Variants in CNTN5 observed in about 807,000 individuals in gnomAD.
CNTN5 encodes the protein contactin-5.
In CNTN5, 77 loss-of-function variants were observed where a neutral mutation model predicts 129.1. The observed-to-expected ratio is 0.60, with a 90% CI of 0.50 to 0.72. The LOEUF (loss-of-function observed/expected upper bound fraction) is 0.72, where lower values mean the gene tolerates loss of function less well. Ranked by LOEUF, CNTN5 falls within the 30% of genes least tolerant of loss-of-function variation. CNTN5 has a pLI of 0.00. For synonymous variants in CNTN5, 509 were observed against 465.6 expected (o/e 1.09, Z -1.20); for missense variants, 1,478 against 1,328.8 (o/e 1.11, Z -1.75).
chr11:99,401,764 G>A (rs1941822150), intron 2 of CNTN5, among the ~76,000 whole-genome samples: 1 of 151,798 alleles, frequency 6.6e-6, no homozygotes, highest in Non-Finnish European at 1.5e-5. Flanking sequence ...TTTCATCAGT[G>A]TTTTATAGTT....
At chr11:99,267,878 GCT>G (rs140841758) in intron 1 of CNTN5, among the ~76,000 whole-genome samples, 2 of 149,206 alleles carry the variant, frequency 1.3e-5, no homozygotes, top group Non-Finnish European at 1.5e-5. Flanking sequence ...CCCTCCTTGT[GCT>G]CTCTCTCTCT....
At chr11:99,771,338 A>G (rs1944938167) in intron 3 of CNTN5, among the ~76,000 whole-genome samples, 1 of 152,002 alleles carries the variant, frequency 6.6e-6, no homozygotes, top group African/African-American at 2.4e-5. Context: ...CCATCAACTG[A>G]TGAATGAATA....
chr11:99,127,309 T>TTCTA (rs1333284505), intron 1 of CNTN5, among the ~76,000 whole-genome samples: 4 of 152,230 alleles, frequency 2.6e-5, no homozygotes, highest in African/African-American at 9.6e-5. Flanking sequence ...TCATAAATGT[T>TTCTA]CATCTACAAT....
In CNTN5 at chr11:99,351,795, A is replaced by G. The variant is rs75179786; in HGVS notation, c.-71+26311A>G. On this transcript the variant is annotated intron_variant, in intron 2 of 24. Coordinates refer to ENST00000524871, the MANE Select transcript of CNTN5 (RefSeq NM_014361.4). ...TAGGAAATGCCAAAAGATTACAACC[A>G]TCTTTTTTGTTCTCCTGCCAAGTAG... Among the ~76,000 whole-genome samples the G allele has an allele frequency of 2.6e-3, 400 of 152,304 alleles. 19 individuals are homozygous for G. The East Asian group carries it at 0.065, about 25-fold the overall frequency.
At chr11:99,850,051 T>C (rs1947823478) in intron 6 of CNTN5, among the ~76,000 whole-genome samples, 1 of 152,168 alleles carries the variant, frequency 6.6e-6, no homozygotes, top group South Asian at 2.1e-4. Flanking sequence ...CATGCAATCA[T>C]AGTGTTCTGC....
chr11:100,286,503 C>T (rs1313890328), intron 18 of CNTN5, among the ~76,000 whole-genome samples: 1 of 150,050 alleles, frequency 6.7e-6, no homozygotes, highest in East Asian at 2.0e-4. Flanking sequence ...CACACTGACA[C>T]CTCACACGGC....
chr11:100,105,386 C>A (rs1480868874), intron 13 of CNTN5, among the ~76,000 whole-genome samples: 1 of 151,988 alleles, frequency 6.6e-6, no homozygotes, highest in East Asian at 1.9e-4. Flanking sequence ...GCTTCATTTG[C>A]AAGCAAGAAC....
At chr11:99,086,363 G>A (rs1375683076) in intron 1 of CNTN5, among the ~76,000 whole-genome samples, 1 of 152,162 alleles carries the variant, frequency 6.6e-6, no homozygotes, top group Non-Finnish European at 1.5e-5. Context: ...TTTATAAAGA[G>A]GTTTAATTGG....
chr11:100,240,529 G>T (rs1313748620), intron 16 of CNTN5, among the ~76,000 whole-genome samples: 1 of 152,170 alleles, frequency 6.6e-6, no homozygotes, highest in Admixed American at 6.5e-5. Context: ...AGCACTTAGT[G>T]TGTAATATTC....
chr11:99,811,287 G>C (rs1946420802), intron 3 of CNTN5, among the ~76,000 whole-genome samples: 1 of 151,804 alleles, frequency 6.6e-6, no homozygotes, highest in Admixed American at 6.6e-5. Flanking sequence ...ATAGAATTCT[G>C]AAGTTTTATT....
intron 3 of CNTN5, among the ~76,000 whole-genome samples, chr11:99,563,482 C>T (rs1948906345): frequency 6.6e-6 from 1 of 152,136 alleles, no homozygotes; most frequent in Non-Finnish European, 1.5e-5. Context: ...TCACTTTATG[C>T]CCAATGTACA....
chr11:99,370,283 C>T (rs928267355), intron 2 of CNTN5, among the ~76,000 whole-genome samples: 1 of 152,110 alleles, frequency 6.6e-6, no homozygotes, highest in Non-Finnish European at 1.5e-5. Context: ...GAAATGTCAC[C>T]ATTGCACTAA....
intron 3 of CNTN5, among the ~76,000 whole-genome samples, chr11:99,580,312 T>C (rs1008394003): frequency 2.0e-5 from 3 of 152,034 alleles, no homozygotes; most frequent in Admixed American, 6.6e-5. Flanking sequence ...GTGTCTCTGC[T>C]CGGCTTTGGT....
intron 12 of CNTN5, among the ~76,000 whole-genome samples, chr11:100,072,990 C>CAAAAAAAAAAAAAAAAAAAAAAAAA (rs61042118): frequency 1.3e-5 from 1 of 79,054 alleles, no homozygotes; most frequent in African/African-American, 6.1e-5. Context: ...TCCCAGGAGG[C>CAAAAAAAAAAAAAAAAAAAAAAAAA]AAAAAAAAAA....
At chr11:99,571,433 A>G (rs1565306619) in intron 3 of CNTN5, among the ~76,000 whole-genome samples, 1 of 152,218 alleles carries the variant, frequency 6.6e-6, no homozygotes, top group Non-Finnish European at 1.5e-5. Context: ...ATGGAAACAG[A>G]TAATCACAAA....
intron 13 of CNTN5, among the ~76,000 whole-genome samples, chr11:100,105,069 C>T (rs1485769827): frequency 6.6e-6 from 1 of 152,130 alleles, no homozygotes; most frequent in African/African-American, 2.4e-5. Flanking sequence ...CTCCGCATCG[C>T]AATTGGAAAT....
intron 1 of CNTN5, among the ~76,000 whole-genome samples, chr11:99,252,774 T>C (rs1329352388): frequency 2.6e-5 from 4 of 152,086 alleles, no homozygotes; most frequent in East Asian, 3.9e-4. Flanking sequence ...TTTTACTGAA[T>C]TGATATTTCT....
At chr11:100,315,512 T>A (rs1285022401) in intron 21 of CNTN5, among the ~76,000 whole-genome samples, 1 of 152,126 alleles carries the variant, frequency 6.6e-6, no homozygotes, top group East Asian at 1.9e-4. Context: ...TGAGGACAAT[T>A]TAGCAATTTT....
chr11:99,497,955 T>C (rs1049519915), intron 2 of CNTN5, among the ~76,000 whole-genome samples: 6 of 152,108 alleles, frequency 3.9e-5, no homozygotes, highest in Admixed American at 3.9e-4. Flanking sequence ...AAAGTTCTAA[T>C]CATCAGACAA....
Sources: allele counts gnomAD v4.1 joint callset (sites outside exome capture counted in the v4.1 genomes callset), GRCh38; gene constraint gnomAD v4.1.1; transcripts MANE v1.5; gene names NCBI Gene and HGNC (gene_info 2026-07-23, HGNC 2026-07-21).